C10orf105: variants seen among roughly 807,000 people sequenced by gnomAD.
C10orf105 encodes uncharacterized protein C10orf105.
Under a neutral mutation model 0.6 loss-of-function variants are expected in C10orf105, and 2 were observed. The observed-to-expected ratio is 3.18, with a 90% CI of 1.30 to 10.01. The LOEUF (loss-of-function observed/expected upper bound fraction) is 10.01. Among genes scored for constraint, C10orf105 ranks in the 30% most tolerant of loss-of-function variants. The pLI, the probability that C10orf105 is intolerant of heterozygous loss-of-function variation, is 0.04. For synonymous variants in C10orf105, 95 were observed against 82.4 expected (o/e 1.15, Z -0.83); for missense variants, 209 against 191.4 (o/e 1.09, Z -0.54).
chr10:71,737,072 C>T (rs774049028), intron 1 of C10orf105, among the ~76,000 whole-genome samples: 3 of 152,088 alleles, frequency 2.0e-5, no homozygotes, highest in Admixed American at 6.5e-5. Context: ...GGGAGGGATC[C>T]GATCACAAGG....
intron 1 of C10orf105, chr10:71,734,764 C>T (rs978101929): frequency 7.4e-6 from 5 of 679,856 alleles, no homozygotes; most frequent in South Asian, 2.7e-5. Context: ...AGAGAAGGCA[C>T]GTGGACAGGC....
At chr10:71,732,905 C>T (rs1170783305) in intron 1 of C10orf105, among the ~76,000 whole-genome samples, 3 of 152,198 alleles carry the variant, frequency 2.0e-5, no homozygotes, top group Non-Finnish European at 4.4e-5. Flanking sequence ...CTGGAGTTAG[C>T]GTCAGATCCC....
chr10:71,730,938 G>A (rs1028909048), intron 1 of C10orf105, among the ~76,000 whole-genome samples: 4 of 152,348 alleles, frequency 2.6e-5, no homozygotes, highest in Middle Eastern at 3.4e-3. Context: ...AAAGAGGACC[G>A]GTCAGAAAGC....
chr10:71,720,898 T>C (rs1866526817), upstream of C10orf105, among the ~76,000 whole-genome samples: 1 of 152,158 alleles, frequency 6.6e-6, no homozygotes, highest in African/African-American at 2.4e-5. Context: ...CTGTGCTGGG[T>C]GGGCAGGGGC....
chr10:71,726,601 A>G (rs1336100860), intron 1 of C10orf105, among the ~76,000 whole-genome samples: 1 of 152,236 alleles, frequency 6.6e-6, no homozygotes, highest in Non-Finnish European at 1.5e-5. Context: ...TGGTTCTTAC[A>G]GGGCCCTGGT....
At chr10:71,728,766 T>C (rs762049015) in intron 1 of C10orf105, among the ~76,000 whole-genome samples, 2 of 152,148 alleles carry the variant, frequency 1.3e-5, no homozygotes, top group African/African-American at 4.8e-5. Context: ...CACCCCAGCA[T>C]AGAGCAAAGA....
Position 71,715,614 on chromosome 10 carries a change from C to T in C10orf105, c.*322G>A. On this transcript the variant is annotated 3_prime_UTR_variant, in exon 2 of 2. Transcript: ENST00000441508. ...GCTTCTGTGGCGAGCGAGGGTGCTG[C>T]TTCTAGGAGGTGGTTACGAGCCCCA... 4.1e-6 allele frequency: 1 copy of T among 246,688 alleles called. No individual in the cohort carries two copies. Among genetic ancestry groups the T allele is most frequent in the Non-Finnish European group, 7.7e-6 (1 of 129,126 alleles). The allele number at this position is 246,688 out of a possible 1,614,324, so 15.3% of individuals were successfully genotyped here.
At chr10:71,735,000 G>A (rs1839517895) in intron 1 of C10orf105, among the ~76,000 whole-genome samples, 1 of 152,232 alleles carries the variant, frequency 6.6e-6, no homozygotes, top group Admixed American at 6.5e-5. Flanking sequence ...ACGTCTCTGT[G>A]CTTCCCTTCC....
intron 1 of C10orf105, chr10:71,730,720 T>C: frequency 1.4e-6 from 2 of 1,454,432 alleles, no homozygotes; most frequent in South Asian, 1.2e-5. Flanking sequence ...CATTTAGCCA[T>C]GTCTAGGCCA....
At chr10:71,731,895 C>G in intron 1 of C10orf105, 1 of 1,442,292 alleles carries the variant, frequency 6.9e-7, no homozygotes, top group East Asian at 2.4e-5. Flanking sequence ...GGGTGGGCCA[C>G]CCAGGGGGTA....
chr10:71,732,310 A>T (rs2132825955), intron 1 of C10orf105: 1 of 1,609,274 alleles, frequency 6.2e-7, no homozygotes. Flanking sequence ...CAACCAAATC[A>T]CGTACCGCTT....
chr10:71,730,395 C>T, intron 1 of C10orf105: 1 of 1,559,336 alleles, frequency 6.4e-7, no homozygotes, highest in African/African-American at 1.4e-5. Flanking sequence ...ACAAGGCGGC[C>T]ACAGTGGGCC....
chr10:71,734,523 G>T, intron 1 of C10orf105: 2 of 1,600,420 alleles, frequency 1.2e-6, no homozygotes, highest in Non-Finnish European at 1.7e-6. Flanking sequence ...GCTAGGATGA[G>T]ACCTCAGGCA....
At chr10:71,719,092 T>TA (rs1004805574) in intron 1 of C10orf105, among the ~76,000 whole-genome samples, 345 of 148,060 alleles carry the variant, frequency 2.3e-3, no homozygotes, top group Middle Eastern at 3.4e-3. Context: ...AAATAAAAAA[T>TA]AAAAAAAAAA....
intron 1 of C10orf105, chr10:71,730,704 G>T (rs372028551): frequency 6.6e-7 from 1 of 1,526,700 alleles, no homozygotes. Context: ...GATGCTTCAG[G>T]CTCCCCATTT....
intron 1 of C10orf105, chr10:71,732,734 T>C (rs1038854733): frequency 8.6e-7 from 1 of 1,156,336 alleles, no homozygotes; most frequent in Non-Finnish European, 1.1e-6. Flanking sequence ...CAGGCTGGTA[T>C]CCTTCTGTTT....
chr10:71,735,541 G>A (rs1190956626), intron 1 of C10orf105, among the ~76,000 whole-genome samples: 1 of 152,302 alleles, frequency 6.6e-6, no homozygotes, highest in East Asian at 1.9e-4. Context: ...ACACTGGCCA[G>A]TCACATCAGC....
intron 1 of C10orf105, chr10:71,732,816 A>G: frequency 1.7e-6 from 1 of 587,878 alleles, no homozygotes; most frequent in African/African-American, 2.0e-5. Flanking sequence ...GTTTTCCCCC[A>G]TTATCGGCAA....
At chr10:71,719,056 C>T (rs111598596) in intron 1 of C10orf105, among the ~76,000 whole-genome samples, 23 of 151,612 alleles carry the variant, frequency 1.5e-4, no homozygotes, top group African/African-American at 3.9e-4. Flanking sequence ...ACAGCCTGAG[C>T]GACAGAGCAA....
Sources: allele counts gnomAD v4.1 joint callset (sites outside exome capture counted in the v4.1 genomes callset), GRCh38; gene constraint gnomAD v4.1.1; transcripts MANE v1.5; gene names NCBI Gene and HGNC (gene_info 2026-07-23, HGNC 2026-07-21).